Variants in SEMA4F observed in about 807,000 individuals in gnomAD.
The protein encoded by SEMA4F is ssemaphorin 4F.
A neutral mutation model predicts 78.4 loss-of-function variants in SEMA4F; 51 were observed. The observed-to-expected ratio is 0.65, with a 90% CI of 0.52 to 0.82. SEMA4F has a LOEUF of 0.82. SEMA4F is among the 40% of genes least tolerant of loss of function. The pLI is 0.00. For missense variants in SEMA4F, 938 were observed against 1,014.4 expected (o/e 0.92, Z 1.02); for synonymous variants, 418 against 408.7 (o/e 1.02, Z -0.27).
chr2:74,689,071 TC>T, the SEMA4F span, among the ~76,000 whole-genome samples: 679 of 152,238 alleles, frequency 4.5e-3, 6 homozygotes, highest in African/African-American at 0.016. Context: ...TAAGGTGTGT[TC>T]CAAATCTGAG....
At chr2:74,655,452 T>G (rs1684081133) in intron 1 of SEMA4F, 1 of 201,510 alleles carries the variant, frequency 5.0e-6, no homozygotes. Flanking sequence ...TATTAGCACC[T>G]TGGGCAGACA....
intron 5 of SEMA4F, 137 bp downstream of exon 5, chr2:74,662,962 TC>T: frequency 1.3e-6 from 1 of 768,788 alleles, no homozygotes; most frequent in South Asian, 1.6e-5. Context: ...TTCCTGTTCT[TC>T]CCTGAGTGCC....
In SEMA4F at chr2:74,682,096, A is replaced by G. The variant is rs569135460; in HGVS notation, c.*1887A>G. ...TGCAAAAATGGGCTTACTATCCATAACCATATAGCTTAACTATATGATAAC... is the reference window on the plus strand; with the variant it reads ...TGCAAAAATGGGCTTACTATCCATAGCCATATAGCTTAACTATATGATAAC... On this transcript the variant is annotated 3_prime_UTR_variant, in exon 14 of 14. Transcript: ENST00000357877. 6.6e-6 allele frequency: 1 copy of G among 152,372 alleles called. No homozygotes were observed. Among genetic ancestry groups the G allele is most frequent in the Non-Finnish European group, 1.5e-5 (1 of 68,034 alleles). 9.4% of individuals were successfully genotyped at this position (152,372 alleles called of 1,614,324 possible). A position where few individuals can be genotyped will look rare whatever the true frequency, so the allele number is the denominator to read the frequency against.
In SEMA4F at chr2:74,665,874, C is replaced by T. The variant is rs374113101; in HGVS notation, c.550+3049C>T. ...GCAACACTCTAAGATAATCATTTAT[C>T]GTACTTTTGTTTCAAGCAGTAATTT... On this transcript the variant is annotated intron_variant, in intron 5 of 13. Transcript: ENST00000357877. 3.4e-4 allele frequency among the ~76,000 whole-genome samples: 51 copies of T among 149,768 alleles called. No homozygotes were observed. The East Asian group carries it at 3.7e-3, about 11-fold the overall frequency.
chr2:74,688,926 T>C, the SEMA4F span, among the ~76,000 whole-genome samples: 1 of 152,320 alleles, frequency 6.6e-6, no homozygotes. Context: ...TTTAGGTCTA[T>C]TTAGGTCAGG....
At chr2:74,694,064 G>A in the SEMA4F span, among the ~76,000 whole-genome samples, 2 of 152,166 alleles carry the variant, frequency 1.3e-5, no homozygotes, top group African/African-American at 4.8e-5. Flanking sequence ...GGTAAACAGA[G>A]TTTAGACAAC....
intron 12 of SEMA4F, among the ~76,000 whole-genome samples, chr2:74,678,103 G>T (rs959136339): frequency 5.9e-5 from 9 of 152,206 alleles, no homozygotes; most frequent in Non-Finnish European, 1.2e-4. Flanking sequence ...TAGTTTTTTG[G>T]GGGAGAACTT....
chr2:74,703,881 T>C, the SEMA4F span, among the ~76,000 whole-genome samples: 2 of 152,194 alleles, frequency 1.3e-5, no homozygotes, highest in Non-Finnish European at 2.9e-5. Context: ...TTTGTACCTG[T>C]ACTCTAGAGA....
the SEMA4F span, among the ~76,000 whole-genome samples, chr2:74,701,940 A>G: frequency 6.6e-6 from 1 of 152,188 alleles, no homozygotes; most frequent in African/African-American, 2.4e-5. Flanking sequence ...AGCAATTGCA[A>G]TTGATCACAC....
At chr2:74,673,403 G>T in intron 5 of SEMA4F, 54 bp from the exon 6 acceptor site, 2 of 1,607,452 alleles carry the variant, frequency 1.2e-6, no homozygotes, top group Non-Finnish European at 1.7e-6. Flanking sequence ...TGTGACCTCT[G>T]TTGCTTCCCT....
At chr2:74,691,660 A>G in the SEMA4F span, among the ~76,000 whole-genome samples, 3,771 of 152,306 alleles carry the variant, frequency 0.025, 138 homozygotes, top group African/African-American at 0.076. Context: ...TTTTGGAGTT[A>G]GAAATCAAAT....
In SEMA4F at chr2:74,674,774, G is replaced by A. The variant is rs138062290; in HGVS notation, c.1001+98G>A. On this transcript the variant is annotated intron_variant, in intron 8 of 13. Transcript: ENST00000357877. ...TCTTCCAGAGGGGGCAGGCTCTCCCGCCTTTGGCTGCATGGCTCCCTGTGC... is the reference window on the plus strand; with the variant it reads ...TCTTCCAGAGGGGGCAGGCTCTCCCACCTTTGGCTGCATGGCTCCCTGTGC... 6.7e-4 allele frequency: 1,039 copies of A among 1,550,614 alleles called. 1 individual carries two copies. The African/African-American group carries it at 0.011, about 17-fold the overall frequency.
chr2:74,673,905 C>A, intron 7 of SEMA4F, 77 bp downstream of exon 7: 1 of 1,498,604 alleles, frequency 6.7e-7, no homozygotes, highest in Non-Finnish European at 9.0e-7. Flanking sequence ...CTCTTTGGGT[C>A]TCTGTCTTTG....
rs1335579803 is a variant in SEMA4F, at chr2:74,654,275, G to A, written c.-102G>A. The A allele has an allele frequency of 1.5e-6, 2 of 1,312,656 alleles. No individual in the cohort carries two copies. Among genetic ancestry groups the A allele is most frequent in the Non-Finnish European group, 2.0e-6 (2 of 1,020,502 alleles). 81.3% of individuals were successfully genotyped at this position (1,312,656 alleles called of 1,614,324 possible). A position where few individuals can be genotyped will look rare whatever the true frequency, so the allele number is the denominator to read the frequency against. ...TCATCCCTCAGCCTCAGGCTGAGCCGGACCGAGCCGAGAGGACCCGAGTGG... is the reference window on the plus strand; with the variant it reads ...TCATCCCTCAGCCTCAGGCTGAGCCAGACCGAGCCGAGAGGACCCGAGTGG... On this transcript the variant is annotated 5_prime_UTR_variant, in exon 1 of 14. Transcript: ENST00000357877.
chr2:74,655,350 TG>T, intron 1 of SEMA4F: 1 of 353,710 alleles, frequency 2.8e-6, no homozygotes, highest in Non-Finnish European at 6.0e-6. Context: ...AGGTTAAAAG[TG>T]ATCATTGGGG....
At chr2:74,691,220 A>G in the SEMA4F span, among the ~76,000 whole-genome samples, 1 of 152,236 alleles carries the variant, frequency 6.6e-6, no homozygotes, top group Admixed American at 6.5e-5. Flanking sequence ...TGTTGTAAAT[A>G]TGTCAACCGT....
At chr2:74,698,126 G>T in the SEMA4F span, among the ~76,000 whole-genome samples, 1 of 152,212 alleles carries the variant, frequency 6.6e-6, no homozygotes, top group Non-Finnish European at 1.5e-5. Flanking sequence ...AGGGACCATA[G>T]ATTTCCCCAA....
chr2:74,670,031 C>G (rs1048502062), intron 5 of SEMA4F, among the ~76,000 whole-genome samples: 3 of 152,030 alleles, frequency 2.0e-5, no homozygotes, highest in Non-Finnish European at 4.4e-5. Flanking sequence ...GGTGTGTTTT[C>G]TAACCTGCTT....
rs375005662 is a variant in SEMA4F at position 74,657,621 on chromosome 2, A to G, written c.354A>G (p.Lys118=). 16 of 1,614,048 alleles carry G rather than the reference A, an allele frequency of 9.9e-6. No individual in the cohort carries two copies. The Middle Eastern group carries it at 4.9e-4, about 50-fold the overall frequency. The change falls in exon 3 of 14, where the codon AAA becomes AAG. Residue 118 remains lysine, a synonymous_variant. Coordinates refer to ENST00000357877, the MANE Select transcript of SEMA4F (RefSeq NM_004263.5). The stretch of plus-strand genomic sequence containing the variant: ...AGAACTGTAGGAAGAAAGGCAAGAA[A>G]GAGGTAGGTGTAAATCTGAGCCCTG... ...HRQNCRKKGK[K]EDECHNFVQI... is the part of the protein sequence containing the mutation.
Sources: allele counts gnomAD v4.1 joint callset (sites outside exome capture counted in the v4.1 genomes callset), GRCh38; gene constraint gnomAD v4.1.1; transcripts MANE v1.5; gene names NCBI Gene and HGNC (gene_info 2026-07-23, HGNC 2026-07-21).